The following MYO16 variants were observed in gnomAD, a reference collection of about 807,000 sequenced individuals.
MYO16 encodes myosin XVI, also known as unconventional myosin-XVI.
MYO16 carries 94 observed loss-of-function variants against 205.3 expected under a neutral mutation model. The observed-to-expected ratio is 0.46, with a 90% confidence interval of 0.39 to 0.54. MYO16 has a LOEUF of 0.54. MYO16 is among the 20% of genes least tolerant of loss of function. MYO16 has a pLI of 0.00. For missense variants in MYO16, 2,315 were observed against 2,387.5 expected, an observed-to-expected ratio of 0.97 and a Z score of 0.63; for synonymous variants, 988 against 954.0, an observed-to-expected ratio of 1.04 and a Z score of -0.66.
At chr13:108,752,666 G>A (rs1286706437) in intron 4 of MYO16, among the ~76,000 whole-genome samples, 2 of 148,972 alleles carry the variant, frequency 1.3e-5, no homozygotes, top group Admixed American at 6.7e-5. Flanking sequence ...TTTTGAGACG[G>A]AGTCTCACTC....
intron 1 of MYO16, 39 bp downstream of exon 1, chr13:108,629,911 C>A: frequency 6.7e-7 from 1 of 1,501,948 alleles, no homozygotes; most frequent in Non-Finnish European, 8.9e-7. Context: ...GGTTATTTGT[C>A]TTGTTGAAGT....
chr13:109,156,853 C>T (rs1428868815), intron 32 of MYO16, among the ~76,000 whole-genome samples: 3 of 152,224 alleles, frequency 2.0e-5, no homozygotes, highest in Non-Finnish European at 2.9e-5. Flanking sequence ...CCTCCTCACA[C>T]TCGAGAGTGT....
chr13:109,177,767 T>C (rs977672056), intron 33 of MYO16, among the ~76,000 whole-genome samples: 9 of 152,176 alleles, frequency 5.9e-5, no homozygotes, highest in African/African-American at 2.2e-4. Flanking sequence ...TCCGCCACCT[T>C]AGCCTCCCAA....
chr13:108,879,535 C>T (rs1235216093), intron 12 of MYO16, among the ~76,000 whole-genome samples: 1 of 152,098 alleles, frequency 6.6e-6, no homozygotes, highest in Non-Finnish European at 1.5e-5. Flanking sequence ...AGACAGGCCC[C>T]AGTGTGTGAT....
chr13:108,657,789 C>T (rs1881312048), intron 1 of MYO16, among the ~76,000 whole-genome samples: 1 of 152,092 alleles, frequency 6.6e-6, no homozygotes, highest in Admixed American at 6.5e-5. Context: ...GACTTTTTTC[C>T]TCTTCCTACC....
chr13:108,516,016 TCC>T, the MYO16 span, among the ~76,000 whole-genome samples: 1 of 138,634 alleles, frequency 7.2e-6, no homozygotes, highest in Admixed American at 7.2e-5. Context: ...AGTTCGAGCT[TCC>T]CAGCTGCTTT....
Position 108,925,592 on chromosome 13 carries a change from A to G in MYO16, c.1925+15442A>G, listed in dbSNP as rs569010767. ...TCCCCCACCAAGTCTTCCCTGTCCC[A>G]GTAAATGGCATCTCCACTCACGCTA... On this transcript the variant is annotated intron_variant, in intron 16 of 34. Coordinates refer to ENST00000457511, the MANE Select transcript of MYO16 (RefSeq NM_001198950.3). Among the ~76,000 whole-genome samples, 208 of 152,306 alleles carry G rather than the reference A, an allele frequency of 1.4e-3. 1 individual carries two copies. Among genetic ancestry groups the G allele is most frequent in the African/African-American group, 4.6e-3 (191 of 41,566 alleles).
rs565207296 is a variant in MYO16 at position 109,126,456 on chromosome 13, G to A, written c.3783-826G>A. ...GAATGAATGCATTGGCATCTTGCTA[G>A]CACATGATTACGTTGACATGCGAAG... On this transcript the variant is annotated intron_variant, in intron 30 of 34. Coordinates refer to ENST00000457511, the MANE Select transcript of MYO16 (RefSeq NM_001198950.3). 2.0e-5 allele frequency among the ~76,000 whole-genome samples: 3 copies of A among 152,316 alleles called. No individual in the cohort carries two copies. In the South Asian group the frequency reaches 6.2e-4, roughly 32 times the overall value.
At chr13:109,185,676 C>A (rs565523451) in intron 34 of MYO16, among the ~76,000 whole-genome samples, 1 of 152,234 alleles carries the variant, frequency 6.6e-6, no homozygotes, top group South Asian at 2.1e-4. Flanking sequence ...TAACATTTTG[C>A]ATTATTTACT....
At chr13:109,198,089 C>T (rs529593635) in intron 34 of MYO16, among the ~76,000 whole-genome samples, 2 of 152,228 alleles carry the variant, frequency 1.3e-5, no homozygotes, top group African/African-American at 4.8e-5. Flanking sequence ...AAATCTATTA[C>T]ATATTAAATC....
At chr13:108,797,246 C>A (rs1196628143) in intron 6 of MYO16, among the ~76,000 whole-genome samples, 1 of 152,174 alleles carries the variant, frequency 6.6e-6, no homozygotes, top group African/African-American at 2.4e-5. Context: ...TCTTAGCCAT[C>A]TTAATGGAAC....
rs1566566244 is a variant in MYO16, at chr13:108,714,120, A to ACT, written c.363+1389_363+1390insCT. Among the ~76,000 whole-genome samples, 4 of 152,034 alleles carry ACT rather than the reference A, an allele frequency of 2.6e-5. No individual in the cohort carries two copies. In the East Asian group the frequency reaches 5.8e-4, roughly 22 times the overall value. ...CGCCCAGGCTGGAGTGCAGTGGTGC[A>ACT]ATCTCGGCTCACTGCAAGCTCCGTC... On this transcript the variant is annotated intron_variant, in intron 3 of 34. Transcript: ENST00000457511.
the MYO16 span, among the ~76,000 whole-genome samples, chr13:108,538,300 G>A: frequency 6.6e-6 from 1 of 152,070 alleles, no homozygotes; most frequent in Non-Finnish European, 1.5e-5. Context: ...GTGCAGATAG[G>A]AGAAGTAATC....
In MYO16 at chr13:108,910,120, G is replaced by A. The variant is rs757308616; in HGVS notation, c.1895G>A (p.Gly632Glu). The A allele has an allele frequency of 4.3e-6, 7 of 1,613,098 alleles. No homozygotes were observed. Among genetic ancestry groups the A allele is most frequent in the Non-Finnish European group, 5.9e-6 (7 of 1,179,434 alleles). The part of the protein sequence containing the change: ...MDGLSAEEKY[G>E]LHLNNLCAHR... The stretch of plus-strand genomic sequence containing the variant: ...GGGTTATCTGCTGAAGAAAAATATG[G>A]ACTTCATCTTAATAATTTATGTGCA... The change falls in exon 16 of 35, where the codon GGA becomes GAA. Residue 632 changes from glycine to glutamate, a missense_variant. By Grantham distance (98) the Gly-to-Glu change is moderately conservative. This residue lies in a region of MYO16 where 1,213 missense variants were observed against 1,274.4 expected (regional missense o/e 0.95). Transcript: ENST00000457511.
chr13:108,763,367 T>G (rs1166332511), intron 4 of MYO16, among the ~76,000 whole-genome samples: 2 of 152,186 alleles, frequency 1.3e-5, no homozygotes. Context: ...ACATGGGGGA[T>G]GCCCCACCTA....
At chr13:108,737,961 T>C (rs1386731446) in intron 4 of MYO16, among the ~76,000 whole-genome samples, 3 of 152,196 alleles carry the variant, frequency 2.0e-5, no homozygotes, top group Non-Finnish European at 4.4e-5. Context: ...TAGTTTGTAT[T>C]TCTGTGGGAG....
At chr13:108,658,426 TTGTGTGTGTGTG>T (rs145187326) in intron 1 of MYO16, among the ~76,000 whole-genome samples, 6 of 145,290 alleles carry the variant, frequency 4.1e-5, no homozygotes, top group East Asian at 2.0e-4. Context: ...TGTTTCAACT[TTGTGTGTGTGTG>T]TGTGTGTGTG....
chr13:109,164,920 C>A lies in MYO16; in HGVS notation c.5184C>A (p.Asn1728Lys). Reference sequence around the variant, plus strand: ...TTTTAGGTTTTGAAACTAACATGAACATAAGTAGCCGAGATGACCCTAGTA... The same window carrying A: ...TTTTAGGTTTTGAAACTAACATGAAAATAAGTAGCCGAGATGACCCTAGTA... ...REAEGFETNMNISSRDDPSTS... is the reference protein window; with the variant it reads ...REAEGFETNMKISSRDDPSTS... The change falls in exon 33 of 35, where the codon AAC (asparagine) becomes AAA (lysine). Residue 1728 changes from asparagine (N) to lysine (K), a missense_variant. Asn to Lys is a moderately conservative substitution (Grantham distance 94, BLOSUM62 0). This residue lies in a region of MYO16 where 1,097 missense variants were observed against 1,092.0 expected (regional missense o/e 1.00). Transcript: ENST00000457511. 1 of 1,580,370 alleles carries A rather than the reference C, an allele frequency of 6.3e-7. No individual in the cohort carries two copies. Among genetic ancestry groups the A allele is most frequent in the Non-Finnish European group, 8.6e-7 (1 of 1,166,582 alleles).
chr13:109,025,713 G>T (rs13378980), intron 23 of MYO16, among the ~76,000 whole-genome samples: 2,576 of 152,218 alleles, frequency 0.017, 76 homozygotes, highest in African/African-American at 0.059. Flanking sequence ...AGAATTATGG[G>T]TTGGAGAAAG....
Sources: allele counts gnomAD v4.1 joint callset (sites outside exome capture counted in the v4.1 genomes callset), GRCh38; gene constraint gnomAD v4.1.1; regional missense constraint gnomAD v4.1.1; transcripts MANE v1.5; gene names NCBI Gene and HGNC (gene_info 2026-07-23, HGNC 2026-07-21).